Variants in GALK2 observed in about 807,000 individuals in gnomAD.
The protein encoded by GALK2 is galactokinase 2, also known as N-acetylgalactosamine kinase.
In GALK2, 36 loss-of-function variants were observed where a neutral mutation model predicts 52.4. That is an observed-to-expected ratio of 0.69 (90% CI 0.53 to 0.91). The LOEUF (loss-of-function observed/expected upper bound fraction) is 0.91. Ranked by LOEUF, GALK2 falls within the 40% of genes least tolerant of loss-of-function variation. The probability of loss-of-function intolerance (pLI) is 0.00; values close to 1 mark genes in which losing one functional copy is unlikely to be tolerated. For missense variants in GALK2, 579 were observed against 559.1 expected (o/e 1.04, Z -0.36); for synonymous variants, 176 against 199.1 (o/e 0.88, Z 0.98).
chr15:49,173,691 A>G (rs930507446), intron 1 of GALK2, among the ~76,000 whole-genome samples: 1 of 151,968 alleles, frequency 6.6e-6, no homozygotes, highest in Admixed American at 6.6e-5. Context: ...TTTTCACTTA[A>G]TCTTTCTCAG....
At chr15:49,196,553 C>G (rs1392613439) in intron 1 of GALK2, among the ~76,000 whole-genome samples, 6 of 152,150 alleles carry the variant, frequency 3.9e-5, no homozygotes, top group African/African-American at 1.2e-4. Flanking sequence ...TGTGAATGTT[C>G]CATGTACTCT....
At chr15:49,216,421 A>G (rs990985373) in intron 2 of GALK2, among the ~76,000 whole-genome samples, 2 of 151,900 alleles carry the variant, frequency 1.3e-5, no homozygotes, top group African/African-American at 4.8e-5. Flanking sequence ...TACTCTTCCC[A>G]CTTCTTTCCT....
At chr15:49,301,406 G>A (rs1209445232) in intron 8 of GALK2, among the ~76,000 whole-genome samples, 1 of 152,148 alleles carries the variant, frequency 6.6e-6, no homozygotes, top group African/African-American at 2.4e-5. Flanking sequence ...TAAGGGTGTG[G>A]TAGAGTGGTC....
rs565751588 is a variant in GALK2, at chr15:49,216,559, C to T, written c.143-631C>T. On this transcript the variant is annotated intron_variant, in intron 2 of 9. Coordinates refer to ENST00000560031, the MANE Select transcript of GALK2 (RefSeq NM_002044.4). The stretch of plus-strand genomic sequence containing the variant: ...ATCACAAGTCTACTGCCTCCAAGGC[C>T]GGTGCAGTACCAGGGCTTGCCCGAG... Among the ~76,000 whole-genome samples the T allele has an allele frequency of 9.1e-4, 138 of 152,328 alleles. 5 individuals are homozygous for T. In the South Asian group the frequency reaches 0.027, roughly 30 times the overall value.
chr15:49,350,935 A>G (rs1349789284), intron 3 of GALK2, among the ~76,000 whole-genome samples: 1 of 152,188 alleles, frequency 6.6e-6, no homozygotes, highest in African/African-American at 2.4e-5. Flanking sequence ...TGTGCATCAC[A>G]TTCCCCCTTA....
At chr15:49,180,607 T>C (rs904657009) in intron 1 of GALK2, among the ~76,000 whole-genome samples, 4 of 152,230 alleles carry the variant, frequency 2.6e-5, no homozygotes, top group Non-Finnish European at 5.9e-5. Context: ...ATTGCCTGTA[T>C]GTTAAAAGCC....
At chr15:49,357,443 A>G in intron 3 of GALK2, among the ~76,000 whole-genome samples, 1 of 151,736 alleles carries the variant, frequency 6.6e-6, no homozygotes, top group African/African-American at 2.4e-5. Context: ...ACCATCAGAG[A>G]ATACTACAAA....
chr15:49,352,105 C>G (rs1217026602), intron 3 of GALK2, among the ~76,000 whole-genome samples: 1 of 152,146 alleles, frequency 6.6e-6, no homozygotes, highest in Non-Finnish European at 1.5e-5. Context: ...GTGGCTCATC[C>G]TCAGCTGTGA....
At chr15:49,249,190 C>T (rs531965658) in intron 5 of GALK2, among the ~76,000 whole-genome samples, 38 of 152,278 alleles carry the variant, frequency 2.5e-4, no homozygotes, top group Non-Finnish European at 5.0e-4. Flanking sequence ...TAGATAACCC[C>T]CCTACCAAAT....
At chr15:49,282,566 CAGTGGTGGGAAAA>C (rs1218568286) in intron 6 of GALK2, among the ~76,000 whole-genome samples, 2 of 152,026 alleles carry the variant, frequency 1.3e-5, no homozygotes, top group African/African-American at 2.4e-5. Context: ...TTTGGGGCTT[CAGTGGTGGGAAAA>C]AGAATGTTGC....
intron 5 of GALK2, among the ~76,000 whole-genome samples, chr15:49,240,651 G>A (rs2091049961): frequency 6.6e-6 from 1 of 152,172 alleles, no homozygotes; most frequent in Non-Finnish European, 1.5e-5. Flanking sequence ...CATGTATTGG[G>A]TGGAGAGAAC....
At chr15:49,280,776 A>G (rs2032571185) in intron 5 of GALK2, among the ~76,000 whole-genome samples, 1 of 152,200 alleles carries the variant, frequency 6.6e-6, no homozygotes, top group Non-Finnish European at 1.5e-5. Flanking sequence ...GAGTTTAGAA[A>G]AAGGGGACAC....
chr15:49,291,780 G>A (rs1222154865), intron 7 of GALK2, among the ~76,000 whole-genome samples: 1 of 152,148 alleles, frequency 6.6e-6, no homozygotes, highest in Non-Finnish European at 1.5e-5. Flanking sequence ...ACCTAATGAA[G>A]TGCTTCCCAT....
chr15:49,159,575 C>CAAAAA (rs71458473), intron 1 of GALK2, among the ~76,000 whole-genome samples: 5 of 130,046 alleles, frequency 3.8e-5, no homozygotes, highest in South Asian at 2.5e-4. Context: ...GACTCTGTCT[C>CAAAAA]AAAAAAAAAA....
intron 8 of GALK2, among the ~76,000 whole-genome samples, chr15:49,312,222 C>CT (rs1391671885): frequency 6.6e-6 from 1 of 152,138 alleles, no homozygotes; most frequent in Non-Finnish European, 1.5e-5. Context: ...TTCTAGTAGA[C>CT]TATTACTTGT....
chr15:49,298,156 A>C lies in GALK2; in HGVS notation c.967+5619A>C, dbSNP rs1428376193. Among the ~76,000 whole-genome samples the C allele has an allele frequency of 1.2e-4, 18 of 152,076 alleles. 1 individual carries two copies. Among genetic ancestry groups the C allele is most frequent in the Non-Finnish European group, 4.4e-5 (3 of 67,936 alleles). On this transcript the variant is annotated intron_variant, in intron 8 of 9. Coordinates refer to ENST00000560031, the MANE Select transcript of GALK2 (RefSeq NM_002044.4). ...ACCTCCTTGGTTAACTATATTCCTA[A>C]GTATTTCATTCTTTTTGTGGCTATT...
intron 5 of GALK2, among the ~76,000 whole-genome samples, chr15:49,262,203 T>C (rs891244638): frequency 2.0e-5 from 3 of 152,130 alleles, no homozygotes; most frequent in African/African-American, 4.8e-5. Flanking sequence ...GGTCCTGGAC[T>C]CTTTTTGGTT....
intron 1 of GALK2, among the ~76,000 whole-genome samples, chr15:49,173,236 C>T (rs2085219037): frequency 6.6e-6 from 1 of 152,206 alleles, no homozygotes; most frequent in African/African-American, 2.4e-5. Flanking sequence ...CATCATTTAA[C>T]ATGTATCAGT....
chr15:49,311,576 C>T (rs2035993547), intron 8 of GALK2, among the ~76,000 whole-genome samples: 1 of 152,242 alleles, frequency 6.6e-6, no homozygotes, highest in African/African-American at 2.4e-5. Flanking sequence ...TCTTATCCCA[C>T]CATTTCATTG....
Sources: gnomAD v4.1 joint callset for allele counts (sites outside exome capture counted in the v4.1 genomes callset) on GRCh38, gnomAD v4.1.1 for gene constraint, MANE v1.5 for transcripts, NCBI Gene and HGNC (gene_info 2026-07-23, HGNC 2026-07-21) for gene names.